Variants in SHC3 observed in about 807,000 individuals in gnomAD.
The protein encoded by SHC3 is SHC-transforming protein 3.
Under a neutral mutation model 60.4 loss-of-function variants are expected in SHC3, and 15 were observed. The observed-to-expected ratio is 0.25, with a 90% CI of 0.17 to 0.38. The LOEUF is 0.38. SHC3 is among the 10% of genes least tolerant of loss of function. The probability of loss-of-function intolerance (pLI) is 1.00; values close to 1 mark genes in which losing one functional copy is unlikely to be tolerated. For missense variants in SHC3, 677 were observed against 786.1 expected, an observed-to-expected ratio of 0.86 and a Z score of 1.66; for synonymous variants, 294 against 325.9, an observed-to-expected ratio of 0.90 and a Z score of 1.05.
chr9:89,153,005 G>T (rs906547169), intron 1 of SHC3, among the ~76,000 whole-genome samples: 17 of 152,214 alleles, frequency 1.1e-4, no homozygotes, highest in Non-Finnish European at 2.4e-4. Flanking sequence ...AAGAACTCAG[G>T]GGGTGGGACT....
rs547375328 is a variant in SHC3, at chr9:89,071,343, T to G, written c.730-91A>C. On this transcript the variant is annotated intron_variant, in intron 4 of 11. Coordinates refer to ENST00000375835, the MANE Select transcript of SHC3 (RefSeq NM_016848.6). The stretch of plus-strand genomic sequence containing the variant: ...CTGTTTGTTGGCAGGCATTACAAAT[T>G]GACATGTTTTCCTGAAAATTGGTAT... The G allele has an allele frequency of 1.1e-5, 15 of 1,316,950 alleles. No individual in the cohort carries two copies. In the South Asian group the frequency reaches 1.4e-4, roughly 12 times the overall value. 81.6% of individuals were successfully genotyped at this position (1,316,950 alleles called of 1,614,324 possible).
At chr9:89,041,524 G>GA (rs904318909) in intron 10 of SHC3, among the ~76,000 whole-genome samples, 16 of 152,090 alleles carry the variant, frequency 1.1e-4, no homozygotes, top group African/African-American at 1.7e-4. Context: ...AAAAAGGAGA[G>GA]AAAAAAATGA....
chr9:89,038,776 T>A lies in SHC3; in HGVS notation c.1361-488A>T, dbSNP rs559467943. Among the ~76,000 whole-genome samples the A allele has an allele frequency of 6.6e-5, 10 of 152,374 alleles. No homozygotes were observed. The East Asian group carries it at 1.9e-3, about 29-fold the overall frequency. On this transcript the variant is annotated intron_variant, in intron 10 of 11. Coordinates refer to ENST00000375835, the MANE Select transcript of SHC3 (RefSeq NM_016848.6). ...AATCCACCAAAGGTTTATTTCAAAA[T>A]CTTTGCATCAGGCAAATTTTTAAAA... is the stretch of plus-strand genomic sequence containing the variant.
intron 1 of SHC3, among the ~76,000 whole-genome samples, chr9:89,154,186 T>A (rs1017068081): frequency 1.1e-4 from 16 of 151,646 alleles, no homozygotes; most frequent in African/African-American, 3.7e-4. Flanking sequence ...ATTATGAGAT[T>A]TTTTTGTGTG....
chr9:89,095,109 C>T (rs919634498), intron 2 of SHC3, among the ~76,000 whole-genome samples: 45 of 152,284 alleles, frequency 3.0e-4, no homozygotes, highest in African/African-American at 1.1e-3. Flanking sequence ...AGCAACCCCA[C>T]TTCTGAGTAC....
chr9:89,168,251 A>G (rs1396107786), intron 1 of SHC3, among the ~76,000 whole-genome samples: 1 of 152,216 alleles, frequency 6.6e-6, no homozygotes, highest in Non-Finnish European at 1.5e-5. Flanking sequence ...GGATCACCTG[A>G]GGTCGGGAGT....
At chr9:89,076,631 A>T (rs965278317) in intron 3 of SHC3, among the ~76,000 whole-genome samples, 1 of 151,898 alleles carries the variant, frequency 6.6e-6, no homozygotes, top group Non-Finnish European at 1.5e-5. Context: ...GTGTTTGAAC[A>T]TGCAGCCTGT....
chr9:89,119,545 GAAA>G (rs1564158419), intron 1 of SHC3, among the ~76,000 whole-genome samples: 1 of 151,812 alleles, frequency 6.6e-6, no homozygotes. Context: ...TAGCAAGAAC[GAAA>G]AAACATAAAA....
intron 11 of SHC3, among the ~76,000 whole-genome samples, chr9:89,024,431 C>T (rs891830775): frequency 8.5e-5 from 13 of 152,182 alleles, no homozygotes; most frequent in African/African-American, 2.7e-4. Flanking sequence ...GTGCACTCCA[C>T]CACTCCCTGT....
At chr9:89,066,116 G>A (rs1292899828) in intron 5 of SHC3, among the ~76,000 whole-genome samples, 1 of 152,176 alleles carries the variant, frequency 6.6e-6, no homozygotes, top group East Asian at 1.9e-4. Context: ...TCCAATTTGA[G>A]CTGGTATCAG....
At chr9:89,037,933 CTG>C in intron 11 of SHC3, 58 bp downstream of exon 11, 1 of 1,562,720 alleles carries the variant, frequency 6.4e-7, no homozygotes, top group South Asian at 1.2e-5. Context: ...AAAGTGGAGA[CTG>C]TTTAAGGCAG....
intron 2 of SHC3, among the ~76,000 whole-genome samples, chr9:89,100,117 G>C (rs1332568620): frequency 6.6e-6 from 1 of 152,152 alleles, no homozygotes; most frequent in Non-Finnish European, 1.5e-5. Context: ...GCCAAACTCA[G>C]ATGGTACCAT....
At chr9:89,160,241 T>C (rs938978019) in intron 1 of SHC3, among the ~76,000 whole-genome samples, 15 of 152,068 alleles carry the variant, frequency 9.9e-5, no homozygotes, top group African/African-American at 3.6e-4. Flanking sequence ...CCCTCCCACC[T>C]CCAAAGAGCT....
chr9:89,099,247 A>G (rs978329984), intron 2 of SHC3, among the ~76,000 whole-genome samples: 6 of 152,170 alleles, frequency 3.9e-5, no homozygotes, highest in East Asian at 1.9e-4. Context: ...TTACACTTTT[A>G]GAGAACTCTT....
intron 2 of SHC3, among the ~76,000 whole-genome samples, chr9:89,105,885 T>C (rs576930814): frequency 6.6e-6 from 1 of 152,326 alleles, no homozygotes; most frequent in East Asian, 1.9e-4. Context: ...CTGGAATGAA[T>C]TGGTAGATAT....
chr9:89,172,574 C>T (rs1037856340), intron 1 of SHC3, among the ~76,000 whole-genome samples: 3 of 151,316 alleles, frequency 2.0e-5, no homozygotes, highest in African/African-American at 7.3e-5. Flanking sequence ...CACACACACA[C>T]AGACACACAC....
At chr9:89,042,905 G>A (rs1237286478) in intron 9 of SHC3, among the ~76,000 whole-genome samples, 1 of 152,050 alleles carries the variant, frequency 6.6e-6, no homozygotes, top group Non-Finnish European at 1.5e-5. Flanking sequence ...CAGTGGGTGT[G>A]CTGAGGCTGG....
chr9:89,129,016 T>C (rs1826204077), intron 1 of SHC3, among the ~76,000 whole-genome samples: 2 of 152,102 alleles, frequency 1.3e-5, no homozygotes, highest in South Asian at 4.1e-4. Context: ...TGAAAAAAGA[T>C]TGGATGAATG....
At chr9:89,022,960 A>G (rs1315028583) in intron 11 of SHC3, among the ~76,000 whole-genome samples, 2 of 152,206 alleles carry the variant, frequency 1.3e-5, no homozygotes, top group Non-Finnish European at 2.9e-5. Flanking sequence ...TCTTTTGCTC[A>G]AATTCTTCTA....
Sources: allele counts gnomAD v4.1 joint callset (sites outside exome capture counted in the v4.1 genomes callset), GRCh38; gene constraint gnomAD v4.1.1; transcripts MANE v1.5; gene names NCBI Gene and HGNC (gene_info 2026-07-23, HGNC 2026-07-21).